Variants in GTSE1 observed in about 807,000 individuals in gnomAD.
The protein encoded by GTSE1 is G2 and S phase-expressed protein 1.
Under a neutral mutation model 60.5 loss-of-function variants are expected in GTSE1, and 52 were observed. That is an observed-to-expected ratio of 0.86 (90% CI 0.69 to 1.08). The LOEUF is 1.08. GTSE1 is among the 50% of genes least tolerant of loss of function. The probability of loss-of-function intolerance (pLI) is 0.00; values close to 1 mark genes in which losing one functional copy is unlikely to be tolerated. For missense variants in GTSE1, 937 were observed against 961.8 expected, an observed-to-expected ratio of 0.97 and a Z score of 0.34; for synonymous variants, 368 against 386.5, an observed-to-expected ratio of 0.95 and a Z score of 0.56.
rs141812542 is a variant in GTSE1 at position 46,309,788 on chromosome 22, C to A, written c.762+845C>A. On this transcript the variant is annotated intron_variant, in intron 4 of 11. Coordinates refer to ENST00000454366, the MANE Select transcript of GTSE1 (RefSeq NM_016426.7). This position sits in a 1 kb window ranked among gnomAD's most constrained non-coding sequence, Gnocchi z 6.2. ...GGAGGTATGCCCGGCACTGCCACCCCCAACAGCTGGGGCCTGCAAACTCCT... is the reference window on the plus strand; with the variant it reads ...GGAGGTATGCCCGGCACTGCCACCCACAACAGCTGGGGCCTGCAAACTCCT... Among the ~76,000 whole-genome samples the A allele has an allele frequency of 1.3e-4, 20 of 152,328 alleles. No homozygotes were observed. The highest frequency in any genetic ancestry group is 2.1e-4 in the South Asian group (1 of 4,830).
In GTSE1 at chr22:46,297,943, T is replaced by TC. The variant is rs2077666878; in HGVS notation, c.79+465dup. ...TGAGTTACAGGCCACACCCTCTTTT[T>TC]CTCTCAAAGCGTTTTTATTTATTTA... is the stretch of plus-strand genomic sequence containing the variant. On this transcript the variant is annotated intron_variant, in intron 2 of 11. Coordinates refer to ENST00000454366, the MANE Select transcript of GTSE1 (RefSeq NM_016426.7). This position sits in a 1 kb window ranked among gnomAD's most constrained non-coding sequence, Gnocchi z 4.9. Among the ~76,000 whole-genome samples, 1 of 152,004 alleles carries TC rather than the reference T, an allele frequency of 6.6e-6. No individual in the cohort carries two copies. The highest frequency in any genetic ancestry group is 6.6e-5 in the Admixed American group (1 of 15,254).
intron 2 of GTSE1, among the ~76,000 whole-genome samples, chr22:46,301,653 A>G (rs1021930683): frequency 6.6e-6 from 1 of 151,614 alleles, no homozygotes; most frequent in Non-Finnish European, 1.5e-5. Context: ...AGGCCTGGCT[A>G]ATTTTTTGTA....
rs183160907 is a variant in GTSE1 at position 46,321,934 on chromosome 22, C to T, written c.1433-1256C>T. On this transcript the variant is annotated intron_variant, in intron 7 of 11. Coordinates refer to ENST00000454366, the MANE Select transcript of GTSE1 (RefSeq NM_016426.7). The surrounding 1 kb of genome is among the most constrained non-coding windows in gnomAD (Gnocchi z 4.0). ...ACTAACAATACAAAAATTATCCGGGCGTGGTGGCGGGCACCTATAATTCCA... is the reference window on the plus strand; with the variant it reads ...ACTAACAATACAAAAATTATCCGGGTGTGGTGGCGGGCACCTATAATTCCA... Among the ~76,000 whole-genome samples, 5 of 152,074 alleles carry T rather than the reference C, an allele frequency of 3.3e-5. No individual in the cohort carries two copies. The highest frequency in any genetic ancestry group is 9.6e-5 in the African/African-American group (4 of 41,520).
rs1222044512 is a variant in GTSE1 at position 46,326,599 on chromosome 22, CTG to C, written c.1676_1677del (p.Val559AlafsTer8). The part of the protein sequence containing the change: ...KTMPRAVGSP[L>X]CVPARRRSSE... ...GATGCCCAGGGCCGTGGGCTCTCCC[CTG>C]TGTGTGCCAGCTCGGAGACGTTCCT... On this transcript the variant is annotated frameshift_variant, in exon 9 of 12. Coordinates refer to ENST00000454366, the MANE Select transcript of GTSE1 (RefSeq NM_016426.7). LOFTEE classifies it high-confidence loss of function. 6.2e-7 allele frequency: 1 copy of C among 1,613,780 alleles called. No individual in the cohort carries two copies. The highest frequency in any genetic ancestry group is 1.7e-5 in the Admixed American group (1 of 59,988).
At position 46,313,203 on chromosome 22, in the gene GTSE1, T is replaced by G. The variant is rs944034739; in HGVS notation, c.928-687T>G. Among the ~76,000 whole-genome samples the G allele has an allele frequency of 6.7e-6, 1 of 149,956 alleles. No individual in the cohort carries two copies. The highest frequency in any genetic ancestry group is 6.6e-5 in the Admixed American group (1 of 15,062). On this transcript the variant is annotated intron_variant, in intron 5 of 11. Coordinates refer to ENST00000454366, the MANE Select transcript of GTSE1 (RefSeq NM_016426.7). This position sits in a 1 kb window ranked among gnomAD's most constrained non-coding sequence, Gnocchi z 4.4. ...AAAAAAAAAGGAAAAGAAAGAAAAT[T>G]GCGGTTCCTCACAGGCATGGAGACT...
intron 2 of GTSE1, among the ~76,000 whole-genome samples, chr22:46,299,638 C>A (rs2077677778): frequency 6.6e-6 from 1 of 152,202 alleles, no homozygotes; most frequent in Non-Finnish European, 1.5e-5. Context: ...GGGTCTCAGC[C>A]ACGCTGTCTC....
chr22:46,329,674 G>A lies in GTSE1; in HGVS notation c.2136+107G>A, dbSNP rs1455538480. Reference sequence around the variant, plus strand: ...TGGGACCCTTGAGAGTGGCTGTTGAGTCTTCTCAGCTACACACCTCAGGGC... The same window carrying A: ...TGGGACCCTTGAGAGTGGCTGTTGAATCTTCTCAGCTACACACCTCAGGGC... On this transcript the variant is annotated intron_variant, in intron 11 of 11. Transcript: ENST00000454366. This position sits in a 1 kb window ranked among gnomAD's most constrained non-coding sequence, Gnocchi z 6.4. 8.2e-6 allele frequency: 7 copies of A among 851,060 alleles called. No individual in the cohort carries two copies. Among genetic ancestry groups the A allele is most frequent in the East Asian group, 2.6e-5 (1 of 38,602 alleles). The allele number at this position is 851,060 out of a possible 1,614,324, so 52.7% of individuals were successfully genotyped here.
chr22:46,301,909 A>G (rs2077691639), intron 2 of GTSE1, among the ~76,000 whole-genome samples: 1 of 152,104 alleles, frequency 6.6e-6, no homozygotes, highest in African/African-American at 2.4e-5. Flanking sequence ...TGGGCGGATC[A>G]CCTGAGATCG....
In GTSE1 at chr22:46,309,549, A is replaced by G. The variant is rs937302117; in HGVS notation, c.762+606A>G. 6.6e-6 allele frequency among the ~76,000 whole-genome samples: 1 copy of G among 152,106 alleles called. No homozygotes were observed. Among genetic ancestry groups the G allele is most frequent in the East Asian group, 1.9e-4 (1 of 5,172 alleles). Reference sequence around the variant, plus strand: ...GGGGCCCACCCTGCAGCCCGTTCCCAGCTCTGCCCCCTCCCCTGGGCAGCA... The same window carrying G: ...GGGGCCCACCCTGCAGCCCGTTCCCGGCTCTGCCCCCTCCCCTGGGCAGCA... On this transcript the variant is annotated intron_variant, in intron 4 of 11. Transcript: ENST00000454366. This position sits in a 1 kb window ranked among gnomAD's most constrained non-coding sequence, Gnocchi z 6.2.
Position 46,316,159 on chromosome 22 carries a change from C to T in GTSE1, c.1179C>T (p.Ser393=), listed in dbSNP as rs774728029. ...PALPAGPVGA[S]SWQAKRVDVS... is the part of the protein sequence containing the mutation. ...TGCCTGCAGGCCCTGTGGGGGCATC[C>T]TCCTGGCAGGCCAAGCGGGTCGATG... Residue 393 remains serine (S), a synonymous_variant, in exon 7 of 12, where the codon TCC becomes TCT. Coordinates refer to ENST00000454366, the MANE Select transcript of GTSE1 (RefSeq NM_016426.7). The surrounding 1 kb of genome is among the most constrained non-coding windows in gnomAD (Gnocchi z 5.0). The T allele has an allele frequency of 6.2e-7, 1 of 1,612,504 alleles. No homozygotes were observed. The highest frequency in any genetic ancestry group is 8.5e-7 in the Non-Finnish European group (1 of 1,179,038).
At chr22:46,299,792 T>G (rs73177069) in intron 2 of GTSE1, among the ~76,000 whole-genome samples, 2,801 of 151,986 alleles carry the variant, frequency 0.018, 28 homozygotes, top group Non-Finnish European at 0.03. Context: ...CTTTTCTTTT[T>G]TCTTTTTCTT....
rs2077707583 is a variant in GTSE1, at chr22:46,304,850, G to C, written c.80-3300G>C. ...AAATATTAGCCAGGGATGGTTGTGCGTGCCTGTAGTCCCAGCTACTCGGGA... is the reference window on the plus strand; with the variant it reads ...AAATATTAGCCAGGGATGGTTGTGCCTGCCTGTAGTCCCAGCTACTCGGGA... On this transcript the variant is annotated intron_variant, in intron 2 of 11. Transcript: ENST00000454366. The surrounding 1 kb of genome is among the most constrained non-coding windows in gnomAD (Gnocchi z 4.4). 6.6e-6 allele frequency among the ~76,000 whole-genome samples: 1 copy of C among 152,166 alleles called. No homozygotes were observed. The highest frequency in any genetic ancestry group is 1.9e-4 in the East Asian group (1 of 5,194).
intron 8 of GTSE1, among the ~76,000 whole-genome samples, chr22:46,325,893 T>C (rs529589188): frequency 6.6e-6 from 1 of 152,346 alleles, no homozygotes; most frequent in Admixed American, 6.5e-5. Flanking sequence ...ACCACAGGTA[T>C]TGCCAGGGAC....
rs2077833661 is a variant in GTSE1, at chr22:46,324,620, G to T, written c.1505+1358G>T. 6.6e-6 allele frequency among the ~76,000 whole-genome samples: 1 copy of T among 152,168 alleles called. No individual in the cohort carries two copies. Among genetic ancestry groups the T allele is most frequent in the South Asian group, 2.1e-4 (1 of 4,832 alleles). On this transcript the variant is annotated intron_variant, in intron 8 of 11. Coordinates refer to ENST00000454366, the MANE Select transcript of GTSE1 (RefSeq NM_016426.7). This position sits in a 1 kb window ranked among gnomAD's most constrained non-coding sequence, Gnocchi z 5.2. ...CTGGCCTCGTGATCCACCAGCCTTG[G>T]CCTCGCAAAGTGCTGGGATTACAGG...
intron 4 of GTSE1, 84 bp from the exon 5 acceptor site, chr22:46,312,057 A>C: frequency 1.7e-6 from 2 of 1,170,022 alleles, no homozygotes; most frequent in Non-Finnish European, 2.5e-6. Context: ...GATGGGGCCT[A>C]GGCTCGCTCT....
At chr22:46,323,138 G>A (rs369775460) in intron 7 of GTSE1, 52 bp from the exon 8 acceptor site, 170 of 1,169,374 alleles carry the variant, frequency 1.5e-4, no homozygotes, top group Non-Finnish European at 2.1e-4. Context: ...CCCAACAGTA[G>A]GTCTCCCCCT....
Position 46,314,800 on chromosome 22 carries a change from C to T in GTSE1, c.1051+787C>T, listed in dbSNP as rs1271913275. Among the ~76,000 whole-genome samples the T allele has an allele frequency of 2.7e-5, 4 of 146,268 alleles. No homozygotes were observed. The highest frequency in any genetic ancestry group is 1.0e-4 in the African/African-American group (4 of 38,894). On this transcript the variant is annotated intron_variant, in intron 6 of 11. Transcript: ENST00000454366. This position sits in a 1 kb window ranked among gnomAD's most constrained non-coding sequence, Gnocchi z 7.1. The stretch of plus-strand genomic sequence containing the variant: ...CTGGGCCACGAGAATGGCTTGAACG[C>T]GGGAGGCAGAGGTTACCATGAGCCG...
Position 46,308,359 on chromosome 22 carries a change from C to T in GTSE1, c.178C>T (p.His60Tyr). 6.2e-7 allele frequency: 1 copy of T among 1,613,968 alleles called. No homozygotes were observed. The highest frequency in any genetic ancestry group is 8.5e-7 in the Non-Finnish European group (1 of 1,179,854). The change falls in exon 4 of 12, where the codon CAT becomes TAT. Residue 60 changes from histidine to tyrosine, a missense_variant. Coordinates refer to ENST00000454366, the MANE Select transcript of GTSE1 (RefSeq NM_016426.7). ...TGAAGTCTTCTTCGGACCCTTTGGA[C>T]ATAAAGAAAGATGTATTGCTGCCAG... is the stretch of plus-strand genomic sequence containing the variant. ...DDEVFFGPFGHKERCIAASLE... is the reference protein window; with the variant it reads ...DDEVFFGPFGYKERCIAASLE...
rs946829944 is a variant in GTSE1 at position 46,297,997 on chromosome 22, C to G, written c.79+518C>G. Among the ~76,000 whole-genome samples, 7 of 152,070 alleles carry G rather than the reference C, an allele frequency of 4.6e-5. No individual in the cohort carries two copies. Among genetic ancestry groups the G allele is most frequent in the African/African-American group, 1.7e-4 (7 of 41,354 alleles). On this transcript the variant is annotated intron_variant, in intron 2 of 11. Coordinates refer to ENST00000454366, the MANE Select transcript of GTSE1 (RefSeq NM_016426.7). The surrounding 1 kb of genome is among the most constrained non-coding windows in gnomAD (Gnocchi z 4.9). ...ATTTATTTATTGACGGAGTCTCGCT[C>G]TCTCACCCAGGCTGGAGTGCAAAGG...
Sources: gnomAD v4.1 joint callset for allele counts (sites outside exome capture counted in the v4.1 genomes callset) on GRCh38, gnomAD v4.1.1 for gene constraint, Gnocchi (gnomAD v3.1) non-coding constraint, MANE v1.5 for transcripts, NCBI Gene and HGNC (gene_info 2026-07-23, HGNC 2026-07-21) for gene names.